LRRC7: variants seen among roughly 807,000 people sequenced by gnomAD.
LRRC7 encodes leucine rich repeat containing 7.
A neutral mutation model predicts 175.7 loss-of-function variants in LRRC7; 23 were observed. The ratio of observed to expected loss-of-function variants is 0.13; its 90% CI spans 0.09 to 0.19. The LOEUF is 0.19. Ranked by LOEUF, LRRC7 falls within the 10% of genes least tolerant of loss-of-function variation. The pLI is 1.00. For missense variants in LRRC7, 1,354 were observed against 1,904.7 expected, an observed-to-expected ratio of 0.71 and a Z score of 5.38; for synonymous variants, 685 against 680.9, an observed-to-expected ratio of 1.01 and a Z score of -0.09.
At position 70,125,811 on chromosome 1, in the gene LRRC7, A is replaced by AAGAGAG. The variant is rs1213437275; in HGVS notation, c.*3929_*3930insGAGAGA. 2.7e-5 allele frequency among the ~76,000 whole-genome samples: 4 copies of AAGAGAG among 149,992 alleles called. No homozygotes were observed. The highest frequency in any genetic ancestry group is 9.8e-5 in the African/African-American group (4 of 40,620). On this transcript the variant is annotated 3_prime_UTR_variant, in exon 27 of 27. Coordinates refer to ENST00000651989, the MANE Select transcript of LRRC7 (RefSeq NM_001370785.2). ...CGTCTCAAAAAAAAAAAAAAAAAAA[A>AAGAGAG]AGAGAAGATTCAGAGGGGAGAAAAC...
At position 70,144,172 on chromosome 1, in the gene LRRC7, G is replaced by GTGAT. The variant is rs1248864325; in HGVS notation, c.*22287_*22290dup. 6.6e-6 allele frequency: 1 copy of GTGAT among 152,164 alleles called. No homozygotes were observed. The highest frequency in any genetic ancestry group is 1.5e-5 in the Non-Finnish European group (1 of 68,030). 9.4% of individuals were successfully genotyped at this position (152,164 alleles called of 1,614,324 possible). A position where few individuals can be genotyped will look rare whatever the true frequency, so the allele number is the denominator to read the frequency against. ...ACACTAATTGGTAAAGGTGTACAAT[G>GTGAT]TGATTAGAATGCATTTTGAAGATGC... is the stretch of plus-strand genomic sequence containing the variant. On this transcript the variant is annotated 3_prime_UTR_variant, in exon 27 of 27. Transcript: ENST00000651989.
intron 4 of LRRC7, among the ~76,000 whole-genome samples, chr1:69,805,984 C>T (rs192902280): frequency 1.3e-5 from 2 of 151,916 alleles, no homozygotes; most frequent in South Asian, 2.1e-4. Context: ...AAGTGATGAA[C>T]CTGTCTTCCA....
intron 8 of LRRC7, among the ~76,000 whole-genome samples, chr1:69,949,429 T>C (rs1333901910): frequency 6.6e-6 from 1 of 151,994 alleles, no homozygotes; most frequent in Non-Finnish European, 1.5e-5. Context: ...AAAAATTAGC[T>C]GGCTGTGGTC....
intron 1 of LRRC7, among the ~76,000 whole-genome samples, chr1:69,580,056 T>C (rs1646131902): frequency 6.6e-6 from 1 of 152,086 alleles, no homozygotes; most frequent in Admixed American, 6.6e-5. Context: ...CTAAATGCAG[T>C]CCTCCTGGCA....
chr1:70,029,578 C>T (rs900307542), intron 18 of LRRC7, among the ~76,000 whole-genome samples: 21 of 152,048 alleles, frequency 1.4e-4, no homozygotes, highest in Admixed American at 3.3e-4. Context: ...AAATATTATG[C>T]ACATATTATA....
In LRRC7 at chr1:70,142,567, A is replaced by G. The variant is rs1292246968; in HGVS notation, c.*20680A>G. On this transcript the variant is annotated 3_prime_UTR_variant, in exon 27 of 27. Transcript: ENST00000651989. The stretch of plus-strand genomic sequence containing the variant: ...GACATTGTCTTCATATGAAGAAGAA[A>G]TTTTTTACTAGTGGAAAATTAGAAG... The G allele has an allele frequency of 6.6e-6, 1 of 152,110 alleles. No individual in the cohort carries two copies. Among genetic ancestry groups the G allele is most frequent in the East Asian group, 1.9e-4 (1 of 5,202 alleles). The allele number at this position is 152,110 out of a possible 1,614,324, so 9.4% of individuals were successfully genotyped here. A position where few individuals can be genotyped will look rare whatever the true frequency, so the allele number is the denominator to read the frequency against.
intron 2 of LRRC7, among the ~76,000 whole-genome samples, chr1:69,729,687 G>T (rs973762781): frequency 6.6e-6 from 1 of 152,170 alleles, no homozygotes; most frequent in Non-Finnish European, 1.5e-5. Flanking sequence ...GGCATTCGGT[G>T]CCTGTGGCTT....
intron 2 of LRRC7, among the ~76,000 whole-genome samples, chr1:69,684,759 C>A (rs1023569341): frequency 6.6e-6 from 1 of 152,072 alleles, no homozygotes; most frequent in African/African-American, 2.4e-5. Flanking sequence ...AAAAAAAAAG[C>A]AAAGCCTACT....
At chr1:69,672,765 T>C (rs1659260928) in intron 1 of LRRC7, among the ~76,000 whole-genome samples, 1 of 152,148 alleles carries the variant, frequency 6.6e-6, no homozygotes, top group African/African-American at 2.4e-5. Context: ...TCTCAGTCCA[T>C]GATTCTAGAT....
intron 24 of LRRC7, among the ~76,000 whole-genome samples, chr1:70,081,921 C>G (rs1383382588): frequency 1.3e-5 from 2 of 152,040 alleles, no homozygotes; most frequent in Admixed American, 6.6e-5. Context: ...GAATCAGCCT[C>G]AGAGAGTTAT....
At chr1:69,613,888 GA>G in intron 1 of LRRC7, among the ~76,000 whole-genome samples, 1 of 151,960 alleles carries the variant, frequency 6.6e-6, no homozygotes, top group South Asian at 2.1e-4. Context: ...ATAAATGACA[GA>G]AAAAGTACAT....
intron 7 of LRRC7, among the ~76,000 whole-genome samples, chr1:69,907,493 G>A (rs1211347657): frequency 7.9e-5 from 12 of 152,048 alleles, no homozygotes; most frequent in Non-Finnish European, 1.6e-4. Context: ...TTTGTCAAAG[G>A]CCTTTTCTGC....
rs1404318467 is a variant in LRRC7 at position 70,130,344 on chromosome 1, G to T, written c.*8457G>T. On this transcript the variant is annotated 3_prime_UTR_variant, in exon 27 of 27. Transcript: ENST00000651989. ...TAGTATAGGTTCTCAATAAATATTT[G>T]TGTAATTATTAAGTGGATGACAGGC... 2 of 152,152 alleles carry T rather than the reference G, an allele frequency of 1.3e-5. No homozygotes were observed. The highest frequency in any genetic ancestry group is 2.9e-5 in the Non-Finnish European group (2 of 68,034). The allele number at this position is 152,152 out of a possible 1,614,324, so 9.4% of individuals were successfully genotyped here. A position where few individuals can be genotyped will look rare whatever the true frequency, so the allele number is the denominator to read the frequency against.
At chr1:69,910,244 T>C (rs1646479759) in intron 7 of LRRC7, among the ~76,000 whole-genome samples, 1 of 152,228 alleles carries the variant, frequency 6.6e-6, no homozygotes, top group African/African-American at 2.4e-5. Context: ...TGCGTTCCTT[T>C]GGAGGAGGAG....
intron 4 of LRRC7, among the ~76,000 whole-genome samples, chr1:69,823,569 G>A (rs187075136): frequency 1.1e-4 from 16 of 152,086 alleles, no homozygotes; most frequent in South Asian, 2.1e-4. Context: ...GTGCGTACAC[G>A]CACATTAATA....
At chr1:69,720,792 AT>A (rs986000992) in intron 2 of LRRC7, among the ~76,000 whole-genome samples, 58 of 151,780 alleles carry the variant, frequency 3.8e-4, no homozygotes, top group African/African-American at 1.3e-3. Flanking sequence ...TTTGATGCTT[AT>A]TGGTTTTATT....
chr1:69,727,205 A>C (rs1016010382), intron 2 of LRRC7, among the ~76,000 whole-genome samples: 5 of 152,318 alleles, frequency 3.3e-5, no homozygotes, highest in Non-Finnish European at 7.4e-5. Context: ...AGAGGGATGC[A>C]CTGGTGAGCC....
chr1:69,922,419 A>G (rs1325346649), intron 7 of LRRC7, among the ~76,000 whole-genome samples: 2 of 152,120 alleles, frequency 1.3e-5, no homozygotes, highest in Non-Finnish European at 1.5e-5. Context: ...TTTGTTCTCT[A>G]GCAACCTACA....
intron 7 of LRRC7, among the ~76,000 whole-genome samples, chr1:69,857,349 G>T (rs951525878): frequency 6.6e-6 from 1 of 152,126 alleles, no homozygotes; most frequent in Non-Finnish European, 1.5e-5. Context: ...TGACATGATT[G>T]CATATTTAGA....
Sources: allele counts gnomAD v4.1 joint callset (sites outside exome capture counted in the v4.1 genomes callset), GRCh38; gene constraint gnomAD v4.1.1; transcripts MANE v1.5; gene names NCBI Gene and HGNC (gene_info 2026-07-23, HGNC 2026-07-21).